CSRNP3: variants seen among roughly 807,000 people sequenced by gnomAD.
CSRNP3 encodes cysteine/serine-rich nuclear protein 3.
A neutral mutation model predicts 48.0 loss-of-function variants in CSRNP3; 12 were observed. The observed-to-expected ratio is 0.25, with a 90% CI of 0.16 to 0.41. The LOEUF is 0.41. Among genes scored for constraint, CSRNP3 ranks in the 10% least tolerant of loss-of-function variants. CSRNP3 has a pLI of 1.00. For synonymous variants in CSRNP3, 263 were observed against 269.7 expected (o/e 0.98, Z 0.24); for missense variants, 580 against 724.4 (o/e 0.80, Z 2.29).
In CSRNP3 at chr2:165,688,635, G is replaced by T. The variant is rs951707915; in HGVS notation, c.*8882G>T. 6.6e-6 allele frequency: 1 copy of T among 152,134 alleles called. No homozygotes were observed. The highest frequency in any genetic ancestry group is 1.5e-5 in the Non-Finnish European group (1 of 67,980). The allele number at this position is 152,134 out of a possible 1,614,324, so 9.4% of individuals were successfully genotyped here. On this transcript the variant is annotated 3_prime_UTR_variant, in exon 7 of 7. Transcript: ENST00000651982. ...GAAATTTGGTACATTTGCAAATTCT[G>T]GTGGAATCTAGTGAGCTGAATGTAT...
chr2:165,627,710 C>T (rs1390112479), intron 4 of CSRNP3, among the ~76,000 whole-genome samples: 1 of 152,190 alleles, frequency 6.6e-6, no homozygotes, highest in Non-Finnish European at 1.5e-5. Flanking sequence ...TTCCTCTTGT[C>T]ACATGACCTT....
intron 2 of CSRNP3, among the ~76,000 whole-genome samples, chr2:165,498,485 C>G (rs1204110069): frequency 1.3e-5 from 2 of 152,118 alleles, no homozygotes; most frequent in Non-Finnish European, 2.9e-5. Context: ...CAATTTGACT[C>G]ACTTAGTCGC....
At chr2:165,668,677 GGTGTCAGCCAC>G (rs1324753236) in intron 5 of CSRNP3, among the ~76,000 whole-genome samples, 2 of 152,086 alleles carry the variant, frequency 1.3e-5, no homozygotes, top group Non-Finnish European at 2.9e-5. Flanking sequence ...TGGGGTTACA[GGTGTCAGCCAC>G]CACGCCCAGC....
At chr2:165,649,882 A>G (rs2105340743) in intron 4 of CSRNP3, among the ~76,000 whole-genome samples, 1 of 152,300 alleles carries the variant, frequency 6.6e-6, no homozygotes, top group South Asian at 2.1e-4. Flanking sequence ...AAATAACTTA[A>G]TTCCAAAACA....
At chr2:165,534,029 T>C (rs1031257801) in intron 3 of CSRNP3, among the ~76,000 whole-genome samples, 2 of 152,032 alleles carry the variant, frequency 1.3e-5, no homozygotes, top group South Asian at 2.1e-4. Flanking sequence ...ACTGTAAATT[T>C]TGAAGCAAAA....
chr2:165,561,807 T>A (rs1685236159), intron 3 of CSRNP3, among the ~76,000 whole-genome samples: 1 of 152,184 alleles, frequency 6.6e-6, no homozygotes, highest in Non-Finnish European at 1.5e-5. Context: ...AAGCTCTTTT[T>A]CTTTCTGGTC....
chr2:165,675,653 G>A lies in CSRNP3; in HGVS notation c.409-659G>A, dbSNP rs115158221. The stretch of plus-strand genomic sequence containing the variant: ...AACTCCTCTGAGGGCAGAGTTTATT[G>A]TTTCAGCTGTTGGTTGCTGAGAGCT... On this transcript the variant is annotated intron_variant, in intron 5 of 6. Transcript: ENST00000651982. Among the ~76,000 whole-genome samples the A allele has an allele frequency of 6.5e-3, 990 of 152,272 alleles. 9 individuals are homozygous for A. The highest frequency in any genetic ancestry group is 0.023 in the African/African-American group (936 of 41,576).
Position 165,685,411 on chromosome 2 carries a change from G to C in CSRNP3, c.*5658G>C. On this transcript the variant is annotated 3_prime_UTR_variant, in exon 7 of 7. Coordinates refer to ENST00000651982, the MANE Select transcript of CSRNP3 (RefSeq NM_001172173.2). ...GGCTAGTCTAAGTCTGTGCTGTCTT[G>C]GCATGCCTTGGGTTTCCTATCCTGA... 1 of 151,954 alleles carries C rather than the reference G, an allele frequency of 6.6e-6. No individual in the cohort carries two copies. The highest frequency in any genetic ancestry group is 2.4e-5 in the African/African-American group (1 of 41,404). The allele number at this position is 151,954 out of a possible 1,614,324, so 9.4% of individuals were successfully genotyped here. A position where few individuals can be genotyped will look rare whatever the true frequency, so the allele number is the denominator to read the frequency against.
intron 2 of CSRNP3, among the ~76,000 whole-genome samples, chr2:165,499,527 T>C (rs1314704026): frequency 6.6e-6 from 1 of 152,156 alleles, no homozygotes; most frequent in Non-Finnish European, 1.5e-5. Context: ...CTTTTTTGTT[T>C]AAGGAATTTG....
At chr2:165,640,000 C>T (rs942440557) in intron 4 of CSRNP3, among the ~76,000 whole-genome samples, 1 of 152,144 alleles carries the variant, frequency 6.6e-6, no homozygotes, top group African/African-American at 2.4e-5. Context: ...GAATGCTATA[C>T]ATTTAAAGTA....
chr2:165,573,504 G>C (rs991796912), intron 3 of CSRNP3, among the ~76,000 whole-genome samples: 8 of 152,146 alleles, frequency 5.3e-5, no homozygotes, highest in Admixed American at 2.0e-4. Flanking sequence ...GCAAATAATA[G>C]CACAACACTG....
At chr2:165,627,029 C>T (rs960452788) in intron 4 of CSRNP3, among the ~76,000 whole-genome samples, 2 of 152,082 alleles carry the variant, frequency 1.3e-5, no homozygotes, top group East Asian at 3.9e-4. Flanking sequence ...AAGGTTAGTT[C>T]TTGATGGCTG....
At chr2:165,667,052 A>G (rs200627744) in intron 5 of CSRNP3, among the ~76,000 whole-genome samples, 3 of 16,850 alleles carry the variant, frequency 1.8e-4, no homozygotes, top group Admixed American at 8.1e-4. Flanking sequence ...GAGAGAGAGA[A>G]AGGAAGGAAG....
intron 2 of CSRNP3, among the ~76,000 whole-genome samples, chr2:165,500,038 T>C (rs1181457495): frequency 7.1e-6 from 1 of 140,868 alleles, no homozygotes; most frequent in African/African-American, 2.7e-5. Context: ...AGACTTAGCA[T>C]CACCAAAAAA....
At chr2:165,505,509 C>A (rs1430797922) in intron 2 of CSRNP3, among the ~76,000 whole-genome samples, 1 of 152,088 alleles carries the variant, frequency 6.6e-6, no homozygotes, top group Non-Finnish European at 1.5e-5. Context: ...ATCTCATATT[C>A]TATAGCTGCA....
intron 4 of CSRNP3, among the ~76,000 whole-genome samples, chr2:165,639,203 A>G (rs1012468733): frequency 2.0e-5 from 3 of 152,302 alleles, no homozygotes; most frequent in Admixed American, 2.0e-4. Flanking sequence ...TTCAAACAGG[A>G]AAATTACCTA....
At chr2:165,601,311 A>C (rs1685910598) in intron 4 of CSRNP3, among the ~76,000 whole-genome samples, 1 of 152,174 alleles carries the variant, frequency 6.6e-6, no homozygotes, top group African/African-American at 2.4e-5. Context: ...ATGAAAAGCT[A>C]TGTGCTGAGC....
At chr2:165,586,114 A>G (rs1685625547) in intron 3 of CSRNP3, among the ~76,000 whole-genome samples, 1 of 152,196 alleles carries the variant, frequency 6.6e-6, no homozygotes, top group South Asian at 2.1e-4. Context: ...AATTATTGCC[A>G]TGCCAGAGTT....
At chr2:165,625,943 C>T (rs1156766387) in intron 4 of CSRNP3, among the ~76,000 whole-genome samples, 1 of 144,840 alleles carries the variant, frequency 6.9e-6, no homozygotes, top group Non-Finnish European at 1.5e-5. Context: ...AAAAAAATGA[C>T]TGGGCACAGT....
Sources: allele counts gnomAD v4.1 joint callset (sites outside exome capture counted in the v4.1 genomes callset), GRCh38; gene constraint gnomAD v4.1.1; transcripts MANE v1.5; gene names NCBI Gene and HGNC (gene_info 2026-07-23, HGNC 2026-07-21).